Variants in CDH20 observed in about 807,000 individuals in gnomAD.
CDH20 encodes the protein cadherin 20, also known as cadherin-20.
CDH20 carries 29 observed loss-of-function variants against 74.2 expected under a neutral mutation model. That is an observed-to-expected ratio of 0.39 (90% CI 0.29 to 0.53). The LOEUF (loss-of-function observed/expected upper bound fraction) is 0.53. Ranked by LOEUF, CDH20 falls within the 20% of genes least tolerant of loss-of-function variation. The pLI, the probability that CDH20 is intolerant of heterozygous loss-of-function variation, is 0.69. For missense variants in CDH20, 988 were observed against 1,048.3 expected (o/e 0.94, Z 0.79); for synonymous variants, 469 against 405.4 (o/e 1.16, Z -1.88).
rs112499413 is a variant in CDH20, at chr18:61,452,337, C to T, written c.-152-38065C>T. 9.7e-3 allele frequency among the ~76,000 whole-genome samples: 1,483 copies of T among 152,136 alleles called. 13 individuals are homozygous for T. Among genetic ancestry groups the T allele is most frequent in the Admixed American group, 0.018 (280 of 15,278 alleles). On this transcript the variant is annotated intron_variant, in intron 1 of 11. Coordinates refer to ENST00000262717, the MANE Select transcript of CDH20 (RefSeq NM_031891.4). ...TAGAATTATCACAAAACTCTTGCAC[C>T]AAAAACTAAGTTAAAAAGAGCGGTT...
chr18:61,406,140 T>A (rs1164847399), intron 1 of CDH20, among the ~76,000 whole-genome samples: 1 of 152,036 alleles, frequency 6.6e-6, no homozygotes, highest in Admixed American at 6.6e-5. Context: ...AAAAAAAAAA[T>A]CACAGATTTT....
intron 1 of CDH20, among the ~76,000 whole-genome samples, chr18:61,464,258 C>A (rs1054067404): frequency 1.1e-4 from 16 of 150,696 alleles, no homozygotes; most frequent in Non-Finnish European, 1.6e-4. Flanking sequence ...TTCTAACTTT[C>A]AAAAAAAATC....
At chr18:61,535,550 A>C (rs571303396) in intron 7 of CDH20, among the ~76,000 whole-genome samples, 1 of 152,306 alleles carries the variant, frequency 6.6e-6, no homozygotes, top group South Asian at 2.1e-4. Context: ...TTGCCAAATC[A>C]GGTTCAACAG....
At chr18:61,553,364 T>C (rs887460093) in intron 11 of CDH20, among the ~76,000 whole-genome samples, 2 of 152,120 alleles carry the variant, frequency 1.3e-5, no homozygotes, top group Non-Finnish European at 2.9e-5. Flanking sequence ...TATCTCTATC[T>C]CTCCTTTAAA....
At chr18:61,371,581 T>C (rs545944333) in intron 1 of CDH20, among the ~76,000 whole-genome samples, 30 of 152,128 alleles carry the variant, frequency 2.0e-4, no homozygotes, top group African/African-American at 5.3e-4. Flanking sequence ...AAAAATGAGG[T>C]ATTTTCTTTC....
rs185340114 is a variant in CDH20 at position 61,410,666 on chromosome 18, A to C, written c.-153+76839A>C. Among the ~76,000 whole-genome samples, 41 of 152,360 alleles carry C rather than the reference A, an allele frequency of 2.7e-4. 1 individual carries two copies. The highest frequency in any genetic ancestry group is 9.9e-4 in the African/African-American group (41 of 41,598). On this transcript the variant is annotated intron_variant, in intron 1 of 11. Transcript: ENST00000262717. The stretch of plus-strand genomic sequence containing the variant: ...AAATCAGTGACAAATGATGGAATGG[A>C]AAATAAATGGTTTAAAAACAACTAA...
intron 6 of CDH20, among the ~76,000 whole-genome samples, chr18:61,521,842 T>G (rs1912221202): frequency 6.6e-6 from 1 of 152,180 alleles, no homozygotes; most frequent in African/African-American, 2.4e-5. Flanking sequence ...ATCTCAATAG[T>G]GCAGAAAAGC....
intron 6 of CDH20, among the ~76,000 whole-genome samples, chr18:61,519,948 CAAAA>C (rs35503974): frequency 1.0e-3 from 131 of 127,848 alleles, no homozygotes; most frequent in Non-Finnish European, 1.1e-3. Context: ...AAATGGAAAG[CAAAA>C]AAAAAAAAAA....
intron 1 of CDH20, among the ~76,000 whole-genome samples, chr18:61,451,641 CCA>C (rs1205593223): frequency 6.6e-6 from 1 of 151,896 alleles, no homozygotes; most frequent in Non-Finnish European, 1.5e-5. Flanking sequence ...TAACAATAAG[CCA>C]CATATCAGAT....
At chr18:61,433,675 A>C (rs1269444725) in intron 1 of CDH20, among the ~76,000 whole-genome samples, 1 of 152,174 alleles carries the variant, frequency 6.6e-6, no homozygotes, top group Non-Finnish European at 1.5e-5. Flanking sequence ...ATCTAAGCTG[A>C]ATATAGTATT....
chr18:61,431,745 A>C (rs9675988), intron 1 of CDH20, among the ~76,000 whole-genome samples: 94,593 of 151,948 alleles, frequency 0.62, 29,677 homozygotes, highest in Admixed American at 0.7. Context: ...TTCTTTGATG[A>C]TTAGCGAGGC....
intron 1 of CDH20, among the ~76,000 whole-genome samples, chr18:61,428,811 C>G (rs919458243): frequency 4.6e-5 from 7 of 152,212 alleles, no homozygotes; most frequent in African/African-American, 1.7e-4. Flanking sequence ...TATCCAAATT[C>G]CCTTAGTTCC....
At chr18:61,384,828 A>C (rs1349702306) in intron 1 of CDH20, among the ~76,000 whole-genome samples, 1 of 152,250 alleles carries the variant, frequency 6.6e-6, no homozygotes, top group African/African-American at 2.4e-5. Context: ...TATCCCATCA[A>C]TACAAGAATA....
chr18:61,481,360 G>C (rs56263444), intron 1 of CDH20, among the ~76,000 whole-genome samples: 1 of 152,118 alleles, frequency 6.6e-6, no homozygotes, highest in East Asian at 1.9e-4. Context: ...CTTTAAAGAA[G>C]ATTATTATTC....
intron 1 of CDH20, among the ~76,000 whole-genome samples, chr18:61,489,163 A>G (rs1910872130): frequency 6.6e-6 from 1 of 152,234 alleles, no homozygotes; most frequent in Admixed American, 6.5e-5. Context: ...CAGAAATGAA[A>G]TGGCATATTG....
chr18:61,445,177 T>C (rs1337575210), intron 1 of CDH20, among the ~76,000 whole-genome samples: 1 of 151,968 alleles, frequency 6.6e-6, no homozygotes, highest in East Asian at 1.9e-4. Flanking sequence ...AAAATAGTAA[T>C]TATTATATTT....
chr18:61,385,647 T>C (rs1318796744), intron 1 of CDH20, among the ~76,000 whole-genome samples: 1 of 152,084 alleles, frequency 6.6e-6, no homozygotes, highest in African/African-American at 2.4e-5. Context: ...TATTAACAGT[T>C]TACAGCTGGG....
At chr18:61,413,531 A>G (rs548148732) in intron 1 of CDH20, among the ~76,000 whole-genome samples, 16 of 152,086 alleles carry the variant, frequency 1.1e-4, no homozygotes, top group African/African-American at 3.4e-4. Context: ...GTGACCATCC[A>G]AGGGTTTCTT....
intron 3 of CDH20, 93 bp downstream of exon 3, chr18:61,499,573 C>T (rs961322018): frequency 9.9e-6 from 10 of 1,013,090 alleles, no homozygotes; most frequent in African/African-American, 6.4e-5. Context: ...CATGTAGATA[C>T]ACATATATTC....
Sources: allele counts gnomAD v4.1 joint callset (sites outside exome capture counted in the v4.1 genomes callset), GRCh38; gene constraint gnomAD v4.1.1; transcripts MANE v1.5; gene names NCBI Gene and HGNC (gene_info 2026-07-23, HGNC 2026-07-21).